The following ROCK1 variants were observed in gnomAD, a reference collection of about 807,000 sequenced individuals.
The protein encoded by ROCK1 is Rho associated coiled-coil containing protein kinase 1, also known as rho-associated protein kinase 1.
In ROCK1, 36 loss-of-function variants were observed where a neutral mutation model predicts 196.8. That is an observed-to-expected ratio of 0.18 (90% CI 0.14 to 0.24). The LOEUF (loss-of-function observed/expected upper bound fraction) is 0.24, where lower values mean the gene tolerates loss of function less well. Ranked by LOEUF, ROCK1 falls within the 10% of genes least tolerant of loss-of-function variation. The pLI, the probability that ROCK1 is intolerant of heterozygous loss-of-function variation, is 1.00. For missense variants in ROCK1, 920 were observed against 1,562.0 expected (o/e 0.59, Z 6.93); for synonymous variants, 443 against 515.9 (o/e 0.86, Z 1.91).
At chr18:21,043,996 T>C (rs2036133627) in intron 6 of ROCK1, 106 bp downstream of exon 6, 3 of 671,476 alleles carry the variant, frequency 4.5e-6, no homozygotes, top group Non-Finnish European at 7.7e-6. Flanking sequence ...AGTCCAGCTA[T>C]GGTTAGTAAA....
At chr18:20,991,510 C>T (rs2035625908) in intron 17 of ROCK1, among the ~76,000 whole-genome samples, 184 bp from the exon 18 acceptor site, 1 of 152,152 alleles carries the variant, frequency 6.6e-6, no homozygotes, top group Non-Finnish European at 1.5e-5. Context: ...AATCATTAAT[C>T]ATGGCGGAGG....
At chr18:21,040,221 A>G (rs2036093582) in intron 8 of ROCK1, among the ~76,000 whole-genome samples, 1 of 152,210 alleles carries the variant, frequency 6.6e-6, no homozygotes, top group Admixed American at 6.5e-5. Context: ...TTTTCTTACA[A>G]TGGTAAAGTT....
intron 4 of ROCK1, 72 bp from the exon 5 acceptor site, chr18:21,045,539 C>A: frequency 4.2e-6 from 5 of 1,182,500 alleles, no homozygotes; most frequent in East Asian, 2.7e-5. Context: ...TAAAAAGTGG[C>A]AAAAATGTTA....
At chr18:20,979,768 T>C in intron 22 of ROCK1, 142 bp downstream of exon 22, 1 of 977,692 alleles carries the variant, frequency 1.0e-6, no homozygotes, top group Non-Finnish European at 1.4e-6. Flanking sequence ...AATTTCAGCC[T>C]AATCTGATTT....
intron 13 of ROCK1, among the ~76,000 whole-genome samples, chr18:21,009,100 A>G (rs1406299240): frequency 5.3e-5 from 8 of 151,218 alleles, no homozygotes; most frequent in African/African-American, 1.9e-4. Flanking sequence ...CTCCATTTCT[A>G]TAATTTTGTC....
chr18:21,065,258 T>C (rs1033894808), intron 2 of ROCK1, among the ~76,000 whole-genome samples: 1 of 152,176 alleles, frequency 6.6e-6, no homozygotes, highest in Non-Finnish European at 1.5e-5. Context: ...CAACCAAAAA[T>C]TTACCAACTG....
intron 22 of ROCK1, among the ~76,000 whole-genome samples, chr18:20,972,777 T>C (rs545824068): frequency 6.6e-6 from 1 of 152,106 alleles, no homozygotes; most frequent in African/African-American, 2.4e-5. Flanking sequence ...ATGACTGGAG[T>C]GAGCTCAAGA....
chr18:20,996,899 A>G (rs190639682), intron 16 of ROCK1, among the ~76,000 whole-genome samples: 1 of 152,276 alleles, frequency 6.6e-6, no homozygotes, highest in East Asian at 1.9e-4. Context: ...GGGTTAGAGG[A>G]TATTATTTGC....
intron 2 of ROCK1, among the ~76,000 whole-genome samples, chr18:21,060,532 C>T (rs2036279517): frequency 6.6e-6 from 1 of 152,060 alleles, no homozygotes; most frequent in South Asian, 2.1e-4. Context: ...TACATATCTG[C>T]CCAAGTGAAT....
At chr18:20,977,985 C>T (rs1340833110) in intron 22 of ROCK1, among the ~76,000 whole-genome samples, 1 of 152,070 alleles carries the variant, frequency 6.6e-6, no homozygotes, top group East Asian at 1.9e-4. Flanking sequence ...ATGTTTATAC[C>T]CGCTGTGATG....
chr18:20,966,218 T>C (rs1001811209), intron 27 of ROCK1, among the ~76,000 whole-genome samples: 2 of 152,210 alleles, frequency 1.3e-5, no homozygotes, highest in East Asian at 1.9e-4. Context: ...ACTTATAGTA[T>C]GTGTATTTCT....
chr18:20,997,540 G>A (rs1327791169), intron 16 of ROCK1, among the ~76,000 whole-genome samples: 4 of 152,062 alleles, frequency 2.6e-5, no homozygotes, highest in South Asian at 4.1e-4. Flanking sequence ...CCCCAATCCT[G>A]GAGACTTCAA....
intron 13 of ROCK1, among the ~76,000 whole-genome samples, chr18:21,011,740 GCCA>G (rs368270521): frequency 3.0e-4 from 45 of 152,150 alleles, no homozygotes; most frequent in African/African-American, 1.1e-3. Context: ...ACAGACATGA[GCCA>G]CCACACTTGA....
chr18:21,107,290 A>G (rs1177822982), intron 1 of ROCK1, among the ~76,000 whole-genome samples: 4 of 152,222 alleles, frequency 2.6e-5, no homozygotes. Context: ...GCTGTTTAGT[A>G]GGTAAGGTAG....
Position 20,979,189 on chromosome 18 carries a change from A to C in ROCK1, c.2654+721T>G, listed in dbSNP as rs542810103. 2.4e-3 allele frequency among the ~76,000 whole-genome samples: 372 copies of C among 152,244 alleles called. 2 individuals carry two copies. The highest frequency in any genetic ancestry group is 8.5e-3 in the African/African-American group (352 of 41,554). The stretch of plus-strand genomic sequence containing the variant: ...AGTGATCCTCTCACCTTAGCCTCCC[A>C]AAATGCTGGTATTACAGGCATGAGC... On this transcript the variant is annotated intron_variant, in intron 22 of 32. Transcript: ENST00000399799.
intron 21 of ROCK1, among the ~76,000 whole-genome samples, chr18:20,980,496 C>CT (rs2035521135): frequency 6.6e-6 from 1 of 151,854 alleles, no homozygotes; most frequent in Admixed American, 6.6e-5. Flanking sequence ...AGTGAAGGGC[C>CT]ATAAGGGAAC....
chr18:20,974,006 G>C (rs1187031508), intron 22 of ROCK1, among the ~76,000 whole-genome samples: 1 of 151,964 alleles, frequency 6.6e-6, no homozygotes, highest in East Asian at 1.9e-4. Context: ...TCCTGACCTC[G>C]TGATCCCCCC....
At chr18:21,073,327 C>G (rs1416557439) in intron 1 of ROCK1, among the ~76,000 whole-genome samples, 2 of 152,098 alleles carry the variant, frequency 1.3e-5, no homozygotes, top group African/African-American at 4.8e-5. Flanking sequence ...AGTAAAAACA[C>G]TTCACATTTC....
At chr18:20,979,159 G>A (rs2035507175) in intron 22 of ROCK1, among the ~76,000 whole-genome samples, 1 of 152,008 alleles carries the variant, frequency 6.6e-6, no homozygotes, top group Admixed American at 6.6e-5. Context: ...GAACTCTTGG[G>A]CTCAAGTGAT....
Sources: allele counts gnomAD v4.1 joint callset (sites outside exome capture counted in the v4.1 genomes callset), GRCh38; gene constraint gnomAD v4.1.1; transcripts MANE v1.5; gene names NCBI Gene and HGNC (gene_info 2026-07-23, HGNC 2026-07-21).